The following BABAM2 variants were observed in gnomAD, a reference collection of about 807,000 sequenced individuals.
BABAM2 encodes BRISC and BRCA1-A complex member 2.
BABAM2 carries 31 observed loss-of-function variants against 54.7 expected under a neutral mutation model. The observed-to-expected ratio is 0.57, with a 90% CI of 0.43 to 0.77. BABAM2 has a LOEUF of 0.77. Among genes scored for constraint, BABAM2 ranks in the 30% least tolerant of loss-of-function variants. BABAM2 has a pLI of 0.00. For synonymous variants in BABAM2, 167 were observed against 162.9 expected (o/e 1.03, Z -0.19); for missense variants, 364 against 455.8 (o/e 0.80, Z 1.83).
In BABAM2 at chr2:28,275,777, C is replaced by G. The variant is rs529678788; in HGVS notation, c.935-22561C>G. On this transcript the variant is annotated intron_variant, in intron 10 of 11. Coordinates refer to ENST00000379624, the MANE Select transcript of BABAM2 (RefSeq NM_199191.3). ...GCCAATAAACATCCCGCAGAGAGGA[C>G]AGCTTACGCATGGGCTCACACAAAG... is the stretch of plus-strand genomic sequence containing the variant. Among the ~76,000 whole-genome samples, 3 of 152,242 alleles carry G rather than the reference C, an allele frequency of 2.0e-5. No individual in the cohort carries two copies. The South Asian group carries it at 6.2e-4, about 32-fold the overall frequency.
At chr2:27,997,007 G>T (rs1245336234) in intron 4 of BABAM2, among the ~76,000 whole-genome samples, 1 of 151,988 alleles carries the variant, frequency 6.6e-6, no homozygotes, top group African/African-American at 2.4e-5. Context: ...TACTTTCAAA[G>T]CAAAAGTACA....
At chr2:28,198,459 C>T (rs1042509605) in intron 7 of BABAM2, among the ~76,000 whole-genome samples, 1 of 152,174 alleles carries the variant, frequency 6.6e-6, no homozygotes, top group Non-Finnish European at 1.5e-5. Flanking sequence ...AGCCACCGCG[C>T]CTGGCCAGGA....
At chr2:28,277,372 T>C (rs879273587) in intron 10 of BABAM2, among the ~76,000 whole-genome samples, 5 of 152,218 alleles carry the variant, frequency 3.3e-5, no homozygotes, top group Non-Finnish European at 5.9e-5. Context: ...CCCAAAGTGC[T>C]GGGATTACAG....
chr2:28,262,711 T>G (rs1203729737), intron 10 of BABAM2, among the ~76,000 whole-genome samples: 1 of 152,064 alleles, frequency 6.6e-6, no homozygotes, highest in Non-Finnish European at 1.5e-5. Context: ...GACATCCAGT[T>G]AAAGAATAAA....
chr2:28,137,693 T>G (rs1179917080), intron 7 of BABAM2, among the ~76,000 whole-genome samples: 2 of 152,174 alleles, frequency 1.3e-5, no homozygotes, highest in African/African-American at 4.8e-5. Flanking sequence ...AAGTTAGTGA[T>G]ATCTCAGTGT....
chr2:28,158,729 C>T (rs999077737), intron 7 of BABAM2, among the ~76,000 whole-genome samples: 1 of 152,228 alleles, frequency 6.6e-6, no homozygotes, highest in African/African-American at 2.4e-5. Context: ...GTTAATCTTA[C>T]TTATCTAATG....
intron 4 of BABAM2, among the ~76,000 whole-genome samples, chr2:28,008,240 G>T (rs1346781036): frequency 6.6e-6 from 1 of 152,124 alleles, no homozygotes; most frequent in Non-Finnish European, 1.5e-5. Context: ...CAATGACTGA[G>T]AAACTTCAGC....
intron 7 of BABAM2, among the ~76,000 whole-genome samples, chr2:28,189,262 A>G (rs1361099170): frequency 6.6e-6 from 1 of 152,220 alleles, no homozygotes; most frequent in Non-Finnish European, 1.5e-5. Context: ...ATGGATTTAC[A>G]AATAAATATA....
At chr2:28,140,922 G>C (rs557885273) in intron 7 of BABAM2, among the ~76,000 whole-genome samples, 1 of 152,098 alleles carries the variant, frequency 6.6e-6, no homozygotes, top group Non-Finnish European at 1.5e-5. Flanking sequence ...TCCAGATCAA[G>C]GTGCTAATAA....
intron 7 of BABAM2, among the ~76,000 whole-genome samples, chr2:28,174,381 G>A (rs937020842): frequency 6.6e-6 from 1 of 152,188 alleles, no homozygotes; most frequent in African/African-American, 2.4e-5. Context: ...GCTTCAAGAG[G>A]GCTGACTAGA....
chr2:27,894,909 G>A, intron 2 of BABAM2: 1 of 476,420 alleles, frequency 2.1e-6, no homozygotes. Flanking sequence ...GAATGTTCAT[G>A]TCTTTTTTTC....
chr2:28,188,779 A>G (rs1676590966), intron 7 of BABAM2, among the ~76,000 whole-genome samples: 1 of 152,196 alleles, frequency 6.6e-6, no homozygotes, highest in Non-Finnish European at 1.5e-5. Context: ...CTTAGTCCCT[A>G]AGCTACAGTT....
At chr2:27,952,265 A>T (rs533621497) in intron 3 of BABAM2, among the ~76,000 whole-genome samples, 1 of 152,174 alleles carries the variant, frequency 6.6e-6, no homozygotes, top group African/African-American at 2.4e-5. Flanking sequence ...TTGCCTGTCA[A>T]TTGGGATGTT....
intron 2 of BABAM2, among the ~76,000 whole-genome samples, chr2:27,904,223 A>G (rs938214774): frequency 6.6e-6 from 1 of 152,234 alleles, no homozygotes; most frequent in Admixed American, 6.5e-5. Context: ...TTTCAGACCA[A>G]ACATTGCGTT....
chr2:28,085,154 T>C (rs1665527678), intron 6 of BABAM2, among the ~76,000 whole-genome samples: 1 of 152,234 alleles, frequency 6.6e-6, no homozygotes, highest in South Asian at 2.1e-4. Context: ...GCATAGGAAA[T>C]GTTTTAAATA....
At chr2:27,920,756 G>C (rs949232042) in intron 2 of BABAM2, among the ~76,000 whole-genome samples, 2 of 152,170 alleles carry the variant, frequency 1.3e-5, no homozygotes, top group Non-Finnish European at 2.9e-5. Flanking sequence ...TAGACTCAGG[G>C]AAGGAACCCT....
At chr2:28,010,129 C>T (rs1349352806) in intron 4 of BABAM2, among the ~76,000 whole-genome samples, 4 of 151,984 alleles carry the variant, frequency 2.6e-5, no homozygotes, top group African/African-American at 9.7e-5. Context: ...TCATTTTTCT[C>T]CTTTATGTCC....
chr2:28,080,794 T>C (rs1285562960), intron 6 of BABAM2, among the ~76,000 whole-genome samples: 2 of 152,228 alleles, frequency 1.3e-5, no homozygotes, highest in Admixed American at 6.5e-5. Context: ...ATTTGATTAA[T>C]CCGTGACCTG....
At chr2:28,112,287 C>T (rs1291539456) in intron 6 of BABAM2, among the ~76,000 whole-genome samples, 1 of 149,264 alleles carries the variant, frequency 6.7e-6, no homozygotes, top group African/African-American at 2.5e-5. Flanking sequence ...ATACATGTGC[C>T]ATGCTGGTTT....
Sources: allele counts gnomAD v4.1 joint callset (sites outside exome capture counted in the v4.1 genomes callset), GRCh38; gene constraint gnomAD v4.1.1; transcripts MANE v1.5; gene names NCBI Gene and HGNC (gene_info 2026-07-23, HGNC 2026-07-21).